SLC25A26: variants seen among roughly 807,000 people sequenced by gnomAD.
The protein encoded by SLC25A26 is mitochondrial S-adenosylmethionine carrier protein.
SLC25A26 carries 36 observed loss-of-function variants against 37.8 expected under a neutral mutation model. The observed-to-expected ratio is 0.95, with a 90% CI of 0.73 to 1.26. The LOEUF (loss-of-function observed/expected upper bound fraction) is 1.26. SLC25A26 is among the 50% of genes most tolerant of loss of function. The pLI is 0.00. For missense variants in SLC25A26, 390 were observed against 331.1 expected (o/e 1.18, Z -1.38); for synonymous variants, 129 against 122.5 (o/e 1.05, Z -0.35).
At chr3:66,372,629 A>G (rs1700407883) in intron 9 of SLC25A26, among the ~76,000 whole-genome samples, 1 of 152,182 alleles carries the variant, frequency 6.6e-6, no homozygotes, top group Non-Finnish European at 1.5e-5. Flanking sequence ...CAGTCTGTAC[A>G]GTGTAGTCCC....
At chr3:66,339,673 T>C (rs1420745584) in intron 5 of SLC25A26, among the ~76,000 whole-genome samples, 1 of 152,068 alleles carries the variant, frequency 6.6e-6, no homozygotes, top group African/African-American at 2.4e-5. Flanking sequence ...TATTTGTGCA[T>C]CTTCTCTAGA....
At chr3:66,284,671 C>T (rs1156919380) in intron 5 of SLC25A26, among the ~76,000 whole-genome samples, 3 of 152,006 alleles carry the variant, frequency 2.0e-5, no homozygotes, top group African/African-American at 7.3e-5. Flanking sequence ...CAACATGGAT[C>T]AATCTCAACA....
At chr3:66,165,539 T>G (rs2070413883) in intron 1 of SLC25A26, among the ~76,000 whole-genome samples, 1 of 151,352 alleles carries the variant, frequency 6.6e-6, no homozygotes, top group South Asian at 2.1e-4. Context: ...GGGGTGGGGG[T>G]GATGAGGGAA....
At chr3:66,173,810 T>C (rs1293007282) in intron 1 of SLC25A26, among the ~76,000 whole-genome samples, 2 of 152,164 alleles carry the variant, frequency 1.3e-5, no homozygotes, top group Non-Finnish European at 2.9e-5. Flanking sequence ...CCCTGCACTT[T>C]GGGAGGCCAA....
chr3:66,370,112 T>TA (rs1480943248), intron 8 of SLC25A26, among the ~76,000 whole-genome samples: 4 of 152,246 alleles, frequency 2.6e-5, no homozygotes, highest in African/African-American at 9.6e-5. Flanking sequence ...GGATCCAACC[T>TA]AAGAATGTTA....
intron 5 of SLC25A26, among the ~76,000 whole-genome samples, chr3:66,277,415 C>T (rs2074191458): frequency 6.6e-6 from 1 of 151,838 alleles, no homozygotes; most frequent in African/African-American, 2.4e-5. Context: ...AGAGTAGAAC[C>T]ATGGTTCTCG....
At chr3:66,236,837 A>G in intron 2 of SLC25A26, 137 bp downstream of exon 2, 1 of 622,530 alleles carries the variant, frequency 1.6e-6, no homozygotes, top group South Asian at 4.4e-5. Context: ...TGGTGTCATT[A>G]TTATTTTTTA....
chr3:66,276,056 C>A (rs1325399145), intron 5 of SLC25A26, among the ~76,000 whole-genome samples: 1 of 152,016 alleles, frequency 6.6e-6, no homozygotes, highest in Admixed American at 6.6e-5. Flanking sequence ...TAAAAAATAG[C>A]AATTGGAATC....
chr3:66,256,131 G>A lies in SLC25A26; in HGVS notation c.301-5920G>A, dbSNP rs552960632. On this transcript the variant is annotated intron_variant, in intron 3 of 9. Transcript: ENST00000354883. ...TGACCTCTTGAATTGAAAAATACAA[G>A]GAGTTAGTATACCCTTTTCTTTCTC... Among the ~76,000 whole-genome samples, 7 of 152,156 alleles carry A rather than the reference G, an allele frequency of 4.6e-5. No homozygotes were observed. The South Asian group carries it at 1.5e-3, about 32-fold the overall frequency.
chr3:66,168,352 C>CT (rs973822193), intron 1 of SLC25A26, among the ~76,000 whole-genome samples: 14 of 152,038 alleles, frequency 9.2e-5, no homozygotes, highest in African/African-American at 2.9e-4. Context: ...ATAGAAAACT[C>CT]TATTGCTGTC....
chr3:66,273,478 C>A lies in SLC25A26; in HGVS notation c.453+10099C>A, dbSNP rs137972979. ...CACAATTTCAGATCCTGTTATTGGT[C>A]GACATGATTGTATATCTAGAAAACC... On this transcript the variant is annotated intron_variant, in intron 5 of 9. Transcript: ENST00000354883. Among the ~76,000 whole-genome samples, 1,007 of 151,806 alleles carry A rather than the reference C, an allele frequency of 6.6e-3. 14 individuals carry two copies. The highest frequency in any genetic ancestry group is 0.023 in the African/African-American group (955 of 41,392).
intron 5 of SLC25A26, among the ~76,000 whole-genome samples, chr3:66,281,287 C>T (rs570660688): frequency 3.3e-5 from 5 of 152,202 alleles, no homozygotes; most frequent in Admixed American, 1.3e-4. Context: ...AAGTTGTTTT[C>T]GTTTGTTATA....
At chr3:66,371,828 G>A (rs1443121483) in intron 9 of SLC25A26, among the ~76,000 whole-genome samples, 6 of 152,150 alleles carry the variant, frequency 3.9e-5, no homozygotes, top group Non-Finnish European at 8.8e-5. Flanking sequence ...CCGGGTGCGG[G>A]GCTCACACCT....
chr3:66,260,368 A>G (rs2073477174), intron 3 of SLC25A26, among the ~76,000 whole-genome samples: 1 of 152,196 alleles, frequency 6.6e-6, no homozygotes, highest in Admixed American at 6.5e-5. Flanking sequence ...GGGTGGAAAA[A>G]TATGTTGGCC....
At chr3:66,180,901 T>C (rs1026861877) in intron 1 of SLC25A26, among the ~76,000 whole-genome samples, 2 of 151,716 alleles carry the variant, frequency 1.3e-5, no homozygotes, top group African/African-American at 4.8e-5. Context: ...CTTGCAAGAG[T>C]GGGGACCTAA....
chr3:66,173,147 G>T lies in SLC25A26; in HGVS notation c.-354+39163G>T, dbSNP rs1047099628. 2.0e-5 allele frequency among the ~76,000 whole-genome samples: 3 copies of T among 152,184 alleles called. No individual in the cohort carries two copies. The South Asian group carries it at 6.2e-4, about 32-fold the overall frequency. On this transcript the variant is annotated intron_variant, in intron 1 of 10. Coordinates refer to the SLC25A26 transcript ENST00000676754. ...CCAGGAGCTCCATAATCGGAAAGAT[G>T]CATTTTTTGTCCAGTTGTAAGAAAA...
chr3:66,339,842 G>T (rs1350857268), intron 5 of SLC25A26, among the ~76,000 whole-genome samples: 1 of 151,918 alleles, frequency 6.6e-6, no homozygotes, highest in Admixed American at 6.6e-5. Context: ...ATTCATTGAT[G>T]CACATATGTT....
intron 5 of SLC25A26, among the ~76,000 whole-genome samples, chr3:66,320,686 A>G (rs2075670690): frequency 6.6e-6 from 1 of 152,138 alleles, no homozygotes; most frequent in African/African-American, 2.4e-5. Context: ...TGGCTGCACC[A>G]TTTACACTCC....
intron 5 of SLC25A26, among the ~76,000 whole-genome samples, chr3:66,273,796 A>G (rs1255144661): frequency 6.6e-6 from 1 of 152,184 alleles, no homozygotes; most frequent in Admixed American, 6.5e-5. Context: ...GATAGGAAGA[A>G]TCAATATCGT....
Sources: allele counts gnomAD v4.1 joint callset (sites outside exome capture counted in the v4.1 genomes callset), GRCh38; gene constraint gnomAD v4.1.1; transcripts MANE v1.5; gene names NCBI Gene and HGNC (gene_info 2026-07-23, HGNC 2026-07-21).